Variants in CEP135 observed in about 807,000 individuals in gnomAD.
CEP135 encodes the protein centrosomal protein of 135 kDa.
A neutral mutation model predicts 157.3 loss-of-function variants in CEP135; 142 were observed. That is an observed-to-expected ratio of 0.90 (90% confidence interval 0.79 to 1.04). CEP135 has a LOEUF of 1.04. Among genes scored for constraint, CEP135 ranks in the 50% least tolerant of loss-of-function variants. The probability of loss-of-function intolerance (pLI) is 0.00; values close to 1 mark genes in which losing one functional copy is unlikely to be tolerated. For synonymous variants in CEP135, 396 were observed against 439.8 expected (o/e 0.90, Z 1.25); for missense variants, 1,317 against 1,309.2 (o/e 1.01, Z -0.09).
chr4:55,976,325 GT>G (rs1030863385), intron 11 of CEP135, among the ~76,000 whole-genome samples: 1 of 151,744 alleles, frequency 6.6e-6, no homozygotes, highest in Non-Finnish European at 1.5e-5. Flanking sequence ...ATGTTGCTGA[GT>G]TTTTTTTAAA....
chr4:55,990,849 G>C (rs10033903), intron 14 of CEP135, among the ~76,000 whole-genome samples: 72,084 of 152,040 alleles, frequency 0.47, 17,622 homozygotes, highest in African/African-American at 0.59. Context: ...TTAAGTTTAT[G>C]CTTTTCCTAC....
At chr4:56,016,203 G>A (rs1324058489) in intron 21 of CEP135, among the ~76,000 whole-genome samples, 1 of 152,054 alleles carries the variant, frequency 6.6e-6, no homozygotes, top group Non-Finnish European at 1.5e-5. Flanking sequence ...GAGAGGCATG[G>A]GACAGATTCT....
intron 11 of CEP135, 80 bp downstream of exon 11, chr4:55,975,049 C>A: frequency 9.7e-7 from 1 of 1,028,496 alleles, no homozygotes; most frequent in Non-Finnish European, 1.4e-6. Flanking sequence ...TTAAATGTAA[C>A]TTTATTCGTA....
intron 9 of CEP135, among the ~76,000 whole-genome samples, chr4:55,970,335 G>A (rs1343523290): frequency 1.3e-5 from 2 of 152,200 alleles, no homozygotes; most frequent in African/African-American, 2.4e-5. Context: ...CTAGCAGAAA[G>A]AGTGTCTTGC....
chr4:56,012,504 T>A (rs1730622939), intron 21 of CEP135, among the ~76,000 whole-genome samples: 1 of 152,202 alleles, frequency 6.6e-6, no homozygotes, highest in Non-Finnish European at 1.5e-5. Flanking sequence ...TTTAACTATT[T>A]TTAAGTAGAC....
intron 15 of CEP135, among the ~76,000 whole-genome samples, chr4:55,997,571 A>G (rs1386126106): frequency 1.3e-5 from 2 of 152,142 alleles, no homozygotes; most frequent in East Asian, 1.9e-4. Context: ...CACGTAGAGG[A>G]GGTTGGCCTT....
At position 55,966,048 on chromosome 4, in the gene CEP135, T is replaced by C. The variant is rs148010049; in HGVS notation, c.1044+189T>C. 776 of 548,370 alleles carry C rather than the reference T, an allele frequency of 1.4e-3. 2 individuals carry two copies. The highest frequency in any genetic ancestry group is 0.013 in the African/African-American group (706 of 52,734). The allele number at this position is 548,370 out of a possible 1,614,324, so 34.0% of individuals were successfully genotyped here. On this transcript the variant is annotated intron_variant, in intron 8 of 25. Transcript: ENST00000257287. ...ACCCTGTAAATGATTGTAGTTGTTT[T>C]AGTTGTTTGAGTGTCTCTCTGAAGC...
At position 56,011,453 on chromosome 4, in the gene CEP135, AGAAAT is replaced by A. The variant is rs1327197663; in HGVS notation, c.2551_2555del (p.Met851GlufsTer5). 3 of 1,612,706 alleles carry A rather than the reference AGAAAT, an allele frequency of 1.9e-6. No individual in the cohort carries two copies. Among genetic ancestry groups the A allele is most frequent in the Non-Finnish European group, 2.5e-6 (3 of 1,179,708 alleles). The stretch of plus-strand genomic sequence containing the variant: ...TGGAAGCAGCAGTGCAAGAAAAAGA[AGAAAT>A]GAAGAGCAGAGTTCATAAATACATA... On this transcript the variant is annotated frameshift_variant, in exon 20 of 26. Transcript: ENST00000257287. LOFTEE classifies it high-confidence loss of function.
intron 1 of CEP135, among the ~76,000 whole-genome samples, chr4:55,949,441 G>T (rs1728285180): frequency 6.6e-6 from 1 of 152,194 alleles, no homozygotes; most frequent in African/African-American, 2.4e-5. Context: ...CAAAAATGTC[G>T]CAAAGCGTAG....
chr4:56,023,854 G>GTACTTATATATTATATAATATATGA (rs1731059994), intron 24 of CEP135, among the ~76,000 whole-genome samples: 1 of 135,508 alleles, frequency 7.4e-6, no homozygotes, highest in African/African-American at 2.7e-5. Context: ...ATAATATATA[G>GTACTTATATATTATATAATATATGA]TACTTATATA....
In CEP135 at chr4:55,974,738, AT is replaced by A. The variant is rs1729137646; in HGVS notation, c.1250-5del. On this transcript the variant is annotated splice_region_variant and splice_polypyrimidine_tract_variant and intron_variant, in intron 10 of 25. Transcript: ENST00000257287. ...ATTATTTTAAGAGTTAACCACTTTA[AT>A]TTACAGAACGACAACTTACTCTGGA... The A allele has an allele frequency of 3.1e-6, 5 of 1,603,592 alleles. No homozygotes were observed. In the East Asian group the frequency reaches 1.1e-4, roughly 36 times the overall value.
At chr4:56,012,684 C>T (rs1730628483) in intron 21 of CEP135, among the ~76,000 whole-genome samples, 1 of 152,190 alleles carries the variant, frequency 6.6e-6, no homozygotes, top group Admixed American at 6.5e-5. Flanking sequence ...TACTTTACCT[C>T]AAGGTTCATC....
At position 55,959,784 on chromosome 4, in the gene CEP135, T is replaced by G. The variant is rs1407225157; in HGVS notation, c.699+18T>G. The G allele has an allele frequency of 6.4e-7, 1 of 1,568,520 alleles. No homozygotes were observed. Among genetic ancestry groups the G allele is most frequent in the Non-Finnish European group, 8.8e-7 (1 of 1,138,474 alleles). On this transcript the variant is annotated intron_variant, in intron 6 of 25. Coordinates refer to ENST00000257287, the MANE Select transcript of CEP135 (RefSeq NM_025009.5). ...GCAAGCAGGTAGGATTTTTATTTAC[T>G]TGCATAGTAGGGATTGAGATAGGTA...
rs141287050 is a variant in CEP135, at chr4:56,024,660, A to G, written c.*11+46A>G. On this transcript the variant is annotated intron_variant, in intron 25 of 25. Transcript: ENST00000257287. ...ACAGGCAAAACTAATCTGTGGTTGT[A>G]AAAATTCAGAAAGTAGTTTTCTGCA... 2.3e-6 allele frequency: 3 copies of G among 1,295,458 alleles called. No individual in the cohort carries two copies. In the East Asian group the frequency reaches 7.0e-5, roughly 30 times the overall value. 80.2% of individuals were successfully genotyped at this position (1,295,458 alleles called of 1,614,324 possible). A position where few individuals can be genotyped will look rare whatever the true frequency, so the allele number is the denominator to read the frequency against.
In CEP135 at chr4:56,032,815, A is replaced by C. The variant is rs1221405567; in HGVS notation, c.*1467A>C. 1 of 151,470 alleles carries C rather than the reference A, an allele frequency of 6.6e-6. No homozygotes were observed. The highest frequency in any genetic ancestry group is 1.5e-5 in the Non-Finnish European group (1 of 67,918). 9.4% of individuals were successfully genotyped at this position (151,470 alleles called of 1,614,324 possible). A position where few individuals can be genotyped will look rare whatever the true frequency, so the allele number is the denominator to read the frequency against. ...GTGAATGATCAGTTACTTATGATAT[A>C]TTTTGTTTCCTCTTGTGGTTTAATA... On this transcript the variant is annotated 3_prime_UTR_variant, in exon 26 of 26. Coordinates refer to ENST00000257287, the MANE Select transcript of CEP135 (RefSeq NM_025009.5).
intron 11 of CEP135, among the ~76,000 whole-genome samples, chr4:55,976,359 G>A (rs968956707): frequency 6.6e-6 from 1 of 152,020 alleles, no homozygotes; most frequent in African/African-American, 2.4e-5. Flanking sequence ...TTAGGACTCA[G>A]GAAAAATAAG....
chr4:55,989,693 T>C (rs555660766), intron 14 of CEP135, among the ~76,000 whole-genome samples: 1 of 152,280 alleles, frequency 6.6e-6, no homozygotes, highest in South Asian at 2.1e-4. Context: ...AAATTACAAA[T>C]GGCTAATAAA....
intron 19 of CEP135, among the ~76,000 whole-genome samples, chr4:56,010,629 T>C (rs1730548166): frequency 6.6e-6 from 1 of 152,138 alleles, no homozygotes. Context: ...TAATTATTTG[T>C]GCAAGCTTCT....
At chr4:55,976,746 G>A (rs972561204) in intron 11 of CEP135, among the ~76,000 whole-genome samples, 1 of 152,060 alleles carries the variant, frequency 6.6e-6, no homozygotes, top group Non-Finnish European at 1.5e-5. Context: ...AAATGGGTGG[G>A]GTATAAGACA....
Sources: gnomAD v4.1 joint callset for allele counts (sites outside exome capture counted in the v4.1 genomes callset) on GRCh38, gnomAD v4.1.1 for gene constraint, MANE v1.5 for transcripts, NCBI Gene and HGNC (gene_info 2026-07-23, HGNC 2026-07-21) for gene names.